The following EPHA6 variants were observed in gnomAD, a reference collection of about 807,000 sequenced individuals.
EPHA6 encodes ephrin type-A receptor 6.
A neutral mutation model predicts 112.0 loss-of-function variants in EPHA6; 50 were observed. The observed-to-expected ratio is 0.45, with a 90% CI of 0.36 to 0.56. EPHA6 has a LOEUF of 0.56. Among genes scored for constraint, EPHA6 ranks in the 20% least tolerant of loss-of-function variants. EPHA6 has a pLI of 0.00. For missense variants in EPHA6, 1,280 were observed against 1,417.4 expected (o/e 0.90, Z 1.56); for synonymous variants, 529 against 490.7 (o/e 1.08, Z -1.03).
chr3:96,842,357 T>C (rs917166401), intron 1 of EPHA6, among the ~76,000 whole-genome samples: 1 of 152,068 alleles, frequency 6.6e-6, no homozygotes, highest in African/African-American at 2.4e-5. Context: ...CTTTACCTGG[T>C]CTTTTAAATT....
chr3:97,195,126 C>T (rs2108486889), intron 3 of EPHA6, among the ~76,000 whole-genome samples: 2 of 151,918 alleles, frequency 1.3e-5, no homozygotes, highest in Admixed American at 1.3e-4. Context: ...TTGTTTACAG[C>T]TTGTTTTGTG....
intron 14 of EPHA6, among the ~76,000 whole-genome samples, chr3:97,658,774 G>C (rs910633513): frequency 6.6e-6 from 1 of 151,784 alleles, no homozygotes; most frequent in Admixed American, 6.6e-5. Context: ...ACATGCTGAG[G>C]GGGAAAAAGA....
At chr3:97,598,354 CG>C (rs936668036) in intron 12 of EPHA6, among the ~76,000 whole-genome samples, 2 of 149,134 alleles carry the variant, frequency 1.3e-5, no homozygotes, top group African/African-American at 4.9e-5. Flanking sequence ...CATGCTGGTG[CG>C]CTGCACCCAC....
chr3:97,418,819 A>T (rs1246931330), intron 6 of EPHA6, among the ~76,000 whole-genome samples: 1 of 152,238 alleles, frequency 6.6e-6, no homozygotes, highest in African/African-American at 2.4e-5. Context: ...AATACAAGAT[A>T]AAATAGCATG....
intron 2 of EPHA6, among the ~76,000 whole-genome samples, chr3:96,929,542 A>T (rs762668406): frequency 1.3e-5 from 2 of 152,014 alleles, no homozygotes; most frequent in Non-Finnish European, 2.9e-5. Context: ...TTCTTTTTTA[A>T]ATATTGGCCC....
rs768422240 is a variant in EPHA6 at position 96,913,161 on chromosome 3, TACACACACACACAC to T, written c.450+46311_450+46324del. Reference sequence around the variant, plus strand: ...CTGGGCAACATAGTGAGACCCCGTCTACACACACACACACACACACACACACACACACACACACA... The same window carrying T: ...CTGGGCAACATAGTGAGACCCCGTCTACACACACACACACACACACACACA... On this transcript the variant is annotated intron_variant, in intron 2 of 17. Transcript: ENST00000389672. Among the ~76,000 whole-genome samples, 510 of 123,238 alleles carry T rather than the reference TACACACACACACAC, an allele frequency of 4.1e-3. 1 individual carries two copies. The highest frequency in any genetic ancestry group is 0.013 in the African/African-American group (413 of 32,956). The allele number at this position is 123,238 out of a possible 152,430, so 80.8% of individuals were successfully genotyped here.
intron 11 of EPHA6, among the ~76,000 whole-genome samples, chr3:97,579,040 G>A (rs2093414054): frequency 6.6e-6 from 1 of 151,988 alleles, no homozygotes; most frequent in Non-Finnish European, 1.5e-5. Flanking sequence ...CCACTATCCA[G>A]TATTTATGTT....
intron 13 of EPHA6, among the ~76,000 whole-genome samples, chr3:97,623,025 T>C (rs1290201928): frequency 6.6e-6 from 1 of 151,850 alleles, no homozygotes; most frequent in Non-Finnish European, 1.5e-5. Flanking sequence ...ATATATGATT[T>C]ACAAGCATTT....
chr3:96,962,030 G>T (rs1009770853), intron 2 of EPHA6, among the ~76,000 whole-genome samples: 1 of 152,094 alleles, frequency 6.6e-6, no homozygotes, highest in Non-Finnish European at 1.5e-5. Context: ...CATAAAACAC[G>T]TCTCATGTAC....
At chr3:97,249,027 T>C (rs1214968404) in intron 5 of EPHA6, among the ~76,000 whole-genome samples, 1 of 150,886 alleles carries the variant, frequency 6.6e-6, no homozygotes, top group Admixed American at 6.7e-5. Context: ...TTTAAAAACC[T>C]ATGCAATACT....
intron 3 of EPHA6, among the ~76,000 whole-genome samples, chr3:97,076,992 T>C (rs1269823176): frequency 1.3e-5 from 2 of 152,242 alleles, no homozygotes; most frequent in East Asian, 3.9e-4. Flanking sequence ...CTGATGGAGA[T>C]GTACAAGATT....
chr3:96,962,044 AT>A (rs780924714), intron 2 of EPHA6, among the ~76,000 whole-genome samples: 13 of 152,260 alleles, frequency 8.5e-5, no homozygotes, highest in Middle Eastern at 3.4e-3. Flanking sequence ...CATGTACTAA[AT>A]TCCAGGAATT....
intron 3 of EPHA6, among the ~76,000 whole-genome samples, chr3:97,034,526 T>C (rs2108029878): frequency 6.6e-6 from 1 of 152,044 alleles, no homozygotes. Flanking sequence ...GACAAATGTG[T>C]TCTTTTGAAG....
At chr3:97,563,636 T>C (rs995741243) in intron 11 of EPHA6, among the ~76,000 whole-genome samples, 3 of 152,158 alleles carry the variant, frequency 2.0e-5, no homozygotes, top group Non-Finnish European at 2.9e-5. Context: ...AAATTTATCT[T>C]TAAAAGCTTT....
At chr3:96,984,421 C>A (rs1041514644) in intron 2 of EPHA6, among the ~76,000 whole-genome samples, 2 of 152,170 alleles carry the variant, frequency 1.3e-5, no homozygotes, top group African/African-American at 4.8e-5. Flanking sequence ...GAAGCTTCAT[C>A]TCTGAGGGGT....
intron 6 of EPHA6, among the ~76,000 whole-genome samples, chr3:97,430,899 C>T (rs1478958582): frequency 1.3e-5 from 2 of 152,086 alleles, no homozygotes; most frequent in Admixed American, 6.6e-5. Context: ...CTCATAAAAA[C>T]ATTTGTGTTG....
chr3:97,464,066 C>G (rs1432938056), intron 7 of EPHA6, among the ~76,000 whole-genome samples: 1 of 152,124 alleles, frequency 6.6e-6, no homozygotes, highest in Non-Finnish European at 1.5e-5. Flanking sequence ...GCTCTAAAGA[C>G]TAGTTTTACC....
chr3:96,880,299 A>T (rs536445222), intron 2 of EPHA6, among the ~76,000 whole-genome samples: 84 of 152,286 alleles, frequency 5.5e-4, no homozygotes, highest in Middle Eastern at 3.4e-3. Flanking sequence ...AAATAAAGTT[A>T]ATTAAAAAAC....
chr3:97,212,960 T>C (rs2077917871), intron 3 of EPHA6, among the ~76,000 whole-genome samples: 1 of 152,196 alleles, frequency 6.6e-6, no homozygotes, highest in Non-Finnish European at 1.5e-5. Flanking sequence ...TGATGTCCTC[T>C]TCTCTACATA....
Sources: gnomAD v4.1 joint callset for allele counts (sites outside exome capture counted in the v4.1 genomes callset) on GRCh38, gnomAD v4.1.1 for gene constraint, MANE v1.5 for transcripts, NCBI Gene and HGNC (gene_info 2026-07-23, HGNC 2026-07-21) for gene names.